RPS6KA6: variants seen among roughly 807,000 people sequenced by gnomAD.
The protein encoded by RPS6KA6 is ribosomal protein S6 kinase A6.
Under a neutral mutation model 65.4 loss-of-function variants are expected in RPS6KA6, and 27 were observed. The ratio of observed to expected loss-of-function variants is 0.41; its 90% CI spans 0.30 to 0.57. The LOEUF is 0.57. Ranked by LOEUF, RPS6KA6 falls within the 20% of genes least tolerant of loss-of-function variation. The pLI, the probability that RPS6KA6 is intolerant of heterozygous loss-of-function variation, is 0.24. For missense variants in RPS6KA6, 486 were observed against 555.6 expected (o/e 0.87, Z 1.26); for synonymous variants, 190 against 184.2 (o/e 1.03, Z -0.26).
intron 1 of RPS6KA6, among the ~76,000 whole-genome samples, chrX:84,183,210 A>G (rs1213181487): frequency 5.4e-5 from 6 of 111,845 alleles, no homozygotes; most frequent in Non-Finnish European, 7.5e-5. Context: ...GTTACATTGA[A>G]TTAATTCCTA....
intron 1 of RPS6KA6, among the ~76,000 whole-genome samples, chrX:84,168,470 C>T (rs2035632046): frequency 9.0e-6 from 1 of 111,542 alleles, no homozygotes; most frequent in Non-Finnish European, 1.9e-5. Flanking sequence ...ATAACACCAT[C>T]TACCACCTTA....
chrX:84,066,909 G>A (rs957310626), intron 20 of RPS6KA6, among the ~76,000 whole-genome samples: 3 of 111,534 alleles, frequency 2.7e-5, no homozygotes, highest in African/African-American at 3.3e-5. Flanking sequence ...GCTCTGGGAC[G>A]GAGCTTCCAC....
chrX:84,077,352 A>G (rs755400810), intron 20 of RPS6KA6, among the ~76,000 whole-genome samples: 18 of 111,755 alleles, frequency 1.6e-4, no homozygotes, highest in Non-Finnish European at 3.4e-4. Context: ...ATGGTACCTG[A>G]TTTCAAAATT....
intron 18 of RPS6KA6, 24 bp downstream of exon 18, chrX:84,102,013 A>C: frequency 8.8e-7 from 1 of 1,140,102 alleles, no homozygotes; most frequent in South Asian, 2.2e-5. Context: ...ATGAAAGGCA[A>C]ATGGTGAAGT....
At chrX:84,090,566 A>G (rs1196632037) in intron 20 of RPS6KA6, among the ~76,000 whole-genome samples, 1 of 112,076 alleles carries the variant, frequency 8.9e-6, no homozygotes, top group Non-Finnish European at 1.9e-5. Flanking sequence ...CAGTCTCAGG[A>G]AACTTACAAT....
chrX:84,079,163 G>A (rs1014581247), intron 20 of RPS6KA6, among the ~76,000 whole-genome samples: 4 of 110,741 alleles, frequency 3.6e-5, no homozygotes, highest in African/African-American at 1.3e-4. Context: ...GCCCACAGAG[G>A]GCGAGCTGAA....
At chrX:84,144,373 TAAAC>T (rs1305813291) in intron 6 of RPS6KA6, among the ~76,000 whole-genome samples, 3 of 110,747 alleles carry the variant, frequency 2.7e-5, no homozygotes, top group African/African-American at 9.8e-5. Context: ...GCTAAAAATT[TAAAC>T]AGACATTTTA....
At chrX:84,184,881 G>A (rs1406995767) in intron 1 of RPS6KA6, among the ~76,000 whole-genome samples, 2 of 98,524 alleles carry the variant, frequency 2.0e-5, no homozygotes, top group Non-Finnish European at 4.1e-5. Context: ...AAACAGCATT[G>A]CTAAAGAAAT....
chrX:84,065,000 T>C lies in RPS6KA6; in HGVS notation c.2083A>G (p.Lys695Glu), dbSNP rs2033369006. Residue 695 changes from lysine (K) to glutamate (E), a missense_variant, in exon 21 of 22, where the codon AAG becomes GAG. Around this residue, in one of 3 missense-constraint regions of RPS6KA6, gnomAD observed 345 missense variants for 375.0 expected, o/e 0.92. Transcript: ENST00000262752. ...HRDQLPNDQP[K>E]RNDVSHVVKG... ...ACAACATGTGACACATCATTTCTCT[T>C]TGGCTGATCATTTGGCAACTGGTCT... 1.7e-6 allele frequency: 2 copies of C among 1,206,024 alleles called. No individual in the cohort carries two copies. The highest frequency in any genetic ancestry group is 3.5e-5 in the African/African-American group (2 of 56,966).
chrX:84,150,461 T>C (rs1463455793), intron 3 of RPS6KA6, among the ~76,000 whole-genome samples: 1 of 111,054 alleles, frequency 9.0e-6, no homozygotes, highest in Admixed American at 9.7e-5. Flanking sequence ...AAGTGACAAA[T>C]GCAGAACACT....
intron 9 of RPS6KA6, among the ~76,000 whole-genome samples, chrX:84,118,430 C>T (rs531821564): frequency 7.2e-5 from 8 of 111,414 alleles, no homozygotes; most frequent in Admixed American, 3.8e-4. Flanking sequence ...AGAAACTACA[C>T]GTTGGGTAGT....
chrX:84,134,184 A>G (rs1321249259), intron 8 of RPS6KA6, among the ~76,000 whole-genome samples: 1 of 112,038 alleles, frequency 8.9e-6, no homozygotes, highest in East Asian at 2.8e-4. Flanking sequence ...TTTACTGCTG[A>G]GTAGTATGTC....
chrX:84,087,116 T>C (rs1379525667), intron 20 of RPS6KA6, among the ~76,000 whole-genome samples: 1 of 111,380 alleles, frequency 9.0e-6, no homozygotes, highest in Admixed American at 9.6e-5. Context: ...CAGCTTGGCA[T>C]TCTGTGTCTT....
intron 20 of RPS6KA6, among the ~76,000 whole-genome samples, chrX:84,072,502 T>C (rs963752049): frequency 3.6e-5 from 4 of 111,454 alleles, no homozygotes; most frequent in African/African-American, 1.3e-4. Context: ...ATAAGACAAA[T>C]ATGTCCACTT....
At chrX:84,094,663 T>A (rs1279619150) in intron 20 of RPS6KA6, among the ~76,000 whole-genome samples, 1 of 108,338 alleles carries the variant, frequency 9.2e-6, no homozygotes, top group African/African-American at 3.4e-5. Flanking sequence ...TAAAAATAAA[T>A]AAATAAATAA....
chrX:84,104,652 A>G lies in RPS6KA6; in HGVS notation c.1461T>C (p.Phe487=). Residue 487 remains phenylalanine, a synonymous_variant, in exon 17 of 22, where the codon TTT becomes TTC. Transcript: ENST00000262752. ...HPNIITLKDV[F]DDGRYVYLVT... ...CAAGGTAAACATATCTACCATCATC[A>G]AAGACCTACAAAAGAACGCAGTTTT... is the stretch of plus-strand genomic sequence containing the variant. 9.1e-7 allele frequency: 1 copy of G among 1,096,781 alleles called. No homozygotes were observed. The highest frequency in any genetic ancestry group is 1.8e-5 in the African/African-American group (1 of 54,248). The allele number at this position is 1,096,781 out of a possible 1,213,427, so 90.4% of individuals were successfully genotyped here. A position where few individuals can be genotyped will look rare whatever the true frequency, so the allele number is the denominator to read the frequency against.
chrX:84,129,642 T>C (rs1342923774), intron 8 of RPS6KA6, among the ~76,000 whole-genome samples: 1 of 111,785 alleles, frequency 8.9e-6, no homozygotes, highest in Non-Finnish European at 1.9e-5. Flanking sequence ...GTGGCACTTA[T>C]ACACAACAGA....
Position 84,154,113 on chromosome X carries a change from C to A in RPS6KA6, c.258+1962G>T, listed in dbSNP as rs192950521. On this transcript the variant is annotated intron_variant, in intron 3 of 21. Coordinates refer to ENST00000262752, the MANE Select transcript of RPS6KA6 (RefSeq NM_014496.5). Reference sequence around the variant, plus strand: ...TCCGTTTCCACCTTTAAAATACTGTCAATTATAATACACTCAAATATATTA... The same window carrying A: ...TCCGTTTCCACCTTTAAAATACTGTAAATTATAATACACTCAAATATATTA... Among the ~76,000 whole-genome samples, 10 of 111,155 alleles carry A rather than the reference C, an allele frequency of 9.0e-5. No individual in the cohort carries two copies. The East Asian group carries it at 2.8e-3, about 31-fold the overall frequency.
At chrX:84,083,692 G>T (rs1327871575) in intron 20 of RPS6KA6, among the ~76,000 whole-genome samples, 2 of 112,155 alleles carry the variant, frequency 1.8e-5, no homozygotes, top group African/African-American at 6.5e-5. Flanking sequence ...ATGTACGCAT[G>T]TATCTTTATA....
Sources: gnomAD v4.1 joint callset for allele counts (sites outside exome capture counted in the v4.1 genomes callset) on GRCh38, gnomAD v4.1.1 for gene constraint, gnomAD v4.1.1 regional missense constraint, MANE v1.5 for transcripts, NCBI Gene and HGNC (gene_info 2026-07-23, HGNC 2026-07-21) for gene names.